Variants in ANO1 observed in about 807,000 individuals in gnomAD.
The protein encoded by ANO1 is anoctamin 1.
A neutral mutation model predicts 124.0 loss-of-function variants in ANO1; 59 were observed. The ratio of observed to expected loss-of-function variants is 0.48; its 90% CI spans 0.39 to 0.59. ANO1 has a LOEUF of 0.59. Among genes scored for constraint, ANO1 ranks in the 20% least tolerant of loss-of-function variants. The pLI, the probability that ANO1 is intolerant of heterozygous loss-of-function variation, is 0.00. For synonymous variants in ANO1, 529 were observed against 532.0 expected, an observed-to-expected ratio of 0.99 and a Z score of 0.08; for missense variants, 1,059 against 1,328.0, an observed-to-expected ratio of 0.80 and a Z score of 3.15.
chr11:70,161,241 C>T lies in ANO1; in HGVS notation c.1659C>T (p.Ser553=). The T allele has an allele frequency of 1.2e-6, 2 of 1,613,932 alleles. No homozygotes were observed. The highest frequency in any genetic ancestry group is 1.7e-6 in the Non-Finnish European group (2 of 1,179,818). The change falls in exon 17 of 26, where the codon TCC becomes TCT. Residue 553 remains serine, a synonymous_variant. Coordinates refer to ENST00000355303, the MANE Select transcript of ANO1 (RefSeq NM_018043.7). ...CCGCCGCCTTGGCCATGAACTCCTC[C>T]CCCTCCGTGCGGTCCAACATCCGGG... ...SMAAALAMNS[S]PSVRSNIRVT...
At chr11:70,174,960 C>T (rs2048632766) in intron 22 of ANO1, among the ~76,000 whole-genome samples, 1 of 147,222 alleles carries the variant, frequency 6.8e-6, no homozygotes, top group Non-Finnish European at 1.5e-5. Context: ...GTGCAGCCCA[C>T]ACTGAGTCCT....
chr11:70,067,956 C>A (rs1455982998), intron 1 of ANO1, among the ~76,000 whole-genome samples: 1 of 152,176 alleles, frequency 6.6e-6, no homozygotes, highest in African/African-American at 2.4e-5. Flanking sequence ...CTCACACCTG[C>A]GGGTCTGTGC....
chr11:70,117,674 T>G (rs2046042748), intron 8 of ANO1, among the ~76,000 whole-genome samples: 1 of 152,180 alleles, frequency 6.6e-6, no homozygotes, highest in Admixed American at 6.5e-5. Flanking sequence ...GGACCCTGCA[T>G]GTGCAGCCCT....
intron 13 of ANO1, 26 bp downstream of exon 13, chr11:70,152,487 A>G (rs982140540): frequency 1.9e-6 from 3 of 1,610,526 alleles, no homozygotes; most frequent in East Asian, 2.2e-5. Context: ...TCGCTCCTCT[A>G]TCTTCCCACA....
chr11:70,096,277 G>T (rs1199418977), intron 2 of ANO1, among the ~76,000 whole-genome samples: 3 of 152,194 alleles, frequency 2.0e-5, no homozygotes, highest in African/African-American at 7.2e-5. Context: ...CAGGCGCCAT[G>T]GCTGTAGGGG....
At chr11:70,037,598 C>T (rs1193867467) in intron 1 of ANO1, among the ~76,000 whole-genome samples, 1 of 152,052 alleles carries the variant, frequency 6.6e-6, no homozygotes, top group African/African-American at 2.4e-5. Flanking sequence ...TGCAAACCTG[C>T]CTCTACTGCA....
rs868039741 is a variant in ANO1, at chr11:70,177,599, T to C, written c.2351-2405T>C. 7.2e-4 allele frequency among the ~76,000 whole-genome samples: 97 copies of C among 134,756 alleles called. No homozygotes were observed. In the East Asian group the frequency reaches 0.018, roughly 25 times the overall value. The allele number at this position is 134,756 out of a possible 152,430, so 88.4% of individuals were successfully genotyped here. A position where few individuals can be genotyped will look rare whatever the true frequency, so the allele number is the denominator to read the frequency against. ...TTTTCTTTTCTTTTTTTTTTCTTTT[T>C]TTTTTTTTTTTTTTTTTTGAGACAG... On this transcript the variant is annotated intron_variant, in intron 22 of 25. Transcript: ENST00000355303.
At chr11:70,090,714 C>A (rs551217491) in intron 2 of ANO1, among the ~76,000 whole-genome samples, 86 of 152,200 alleles carry the variant, frequency 5.7e-4, no homozygotes, top group African/African-American at 2.0e-3. Context: ...AGCTAAAAAG[C>A]AAAACATAAG....
chr11:70,157,247 G>A (rs1364693945), intron 16 of ANO1, among the ~76,000 whole-genome samples: 2 of 151,550 alleles, frequency 1.3e-5, no homozygotes, highest in East Asian at 3.9e-4. Flanking sequence ...CATGCCTGTA[G>A]TCCCAGCTAC....
intron 1 of ANO1, among the ~76,000 whole-genome samples, chr11:70,028,016 C>G (rs1856939956): frequency 1.3e-5 from 2 of 152,118 alleles, no homozygotes; most frequent in Admixed American, 6.5e-5. Flanking sequence ...TTTTAAGAAG[C>G]ATTTTCTTTT....
intron 16 of ANO1, among the ~76,000 whole-genome samples, chr11:70,158,353 G>A (rs895262140): frequency 1.3e-5 from 2 of 152,196 alleles, no homozygotes; most frequent in African/African-American, 4.8e-5. Flanking sequence ...CTTGAAGGCA[G>A]CGCCTCCTGT....
intron 22 of ANO1, among the ~76,000 whole-genome samples, chr11:70,179,215 G>T (rs1260731984): frequency 1.3e-5 from 2 of 152,230 alleles, no homozygotes; most frequent in South Asian, 2.1e-4. Flanking sequence ...CAGAGAGCAG[G>T]CCCCAGGATT....
rs556423309 is a variant in ANO1 at position 70,094,023 on chromosome 11, T to G, written c.441+5939T>G. ...TAAAATGGAGTTGATAGTGTGACCT[T>G]CCTTGTGGAGTGGTGGGTGAGGGTC... is the stretch of plus-strand genomic sequence containing the variant. On this transcript the variant is annotated intron_variant, in intron 2 of 25. Transcript: ENST00000355303. Among the ~76,000 whole-genome samples, 14 of 152,300 alleles carry G rather than the reference T, an allele frequency of 9.2e-5. No individual in the cohort carries two copies. The South Asian group carries it at 2.9e-3, about 32-fold the overall frequency.
At chr11:70,154,679 G>T (rs1005055783) in intron 14 of ANO1, among the ~76,000 whole-genome samples, 3 of 151,880 alleles carry the variant, frequency 2.0e-5, no homozygotes, top group Non-Finnish European at 4.4e-5. Context: ...TGTTAGCCAG[G>T]ATGGTCTCAA....
intron 24 of ANO1, among the ~76,000 whole-genome samples, chr11:70,183,830 G>T (rs1440356869): frequency 1.3e-5 from 2 of 152,192 alleles, no homozygotes; most frequent in Non-Finnish European, 2.9e-5. Flanking sequence ...TATCTGTTGT[G>T]CACCGCCCCC....
chr11:70,028,915 G>A (rs1856954801), intron 1 of ANO1, among the ~76,000 whole-genome samples: 1 of 152,084 alleles, frequency 6.6e-6, no homozygotes, highest in Non-Finnish European at 1.5e-5. Flanking sequence ...CCAAGTAGCT[G>A]GGAAGACAGG....
At chr11:70,029,955 G>A (rs141085286) in intron 1 of ANO1, among the ~76,000 whole-genome samples, 2 of 152,314 alleles carry the variant, frequency 1.3e-5, no homozygotes, top group East Asian at 3.9e-4. Flanking sequence ...TAGGGCCACT[G>A]GAGGAGTGGG....
the ANO1 span, among the ~76,000 whole-genome samples, chr11:69,978,721 C>T: frequency 6.6e-6 from 1 of 152,216 alleles, no homozygotes; most frequent in Non-Finnish European, 1.5e-5. Context: ...TTGAGTCATT[C>T]TCCCATGGAC....
At chr11:69,990,484 T>G (rs1413042326) in intron 1 of ANO1, among the ~76,000 whole-genome samples, 1 of 152,238 alleles carries the variant, frequency 6.6e-6, no homozygotes, top group Non-Finnish European at 1.5e-5. Flanking sequence ...GAGTTCCTAT[T>G]GTCAAATTTC....
Sources: allele counts gnomAD v4.1 joint callset (sites outside exome capture counted in the v4.1 genomes callset), GRCh38; gene constraint gnomAD v4.1.1; transcripts MANE v1.5; gene names NCBI Gene and HGNC (gene_info 2026-07-23, HGNC 2026-07-21).